DPP10: variants seen among roughly 807,000 people sequenced by gnomAD.
The protein encoded by DPP10 is inactive dipeptidyl peptidase 10.
DPP10 carries 33 observed loss-of-function variants against 120.9 expected under a neutral mutation model. That is an observed-to-expected ratio of 0.27 (90% CI 0.21 to 0.37). The LOEUF is 0.37. Ranked by LOEUF, DPP10 falls within the 10% of genes least tolerant of loss-of-function variation. The pLI is 1.00. For missense variants in DPP10, 816 were observed against 942.8 expected, an observed-to-expected ratio of 0.87 and a Z score of 1.76; for synonymous variants, 337 against 326.1, an observed-to-expected ratio of 1.03 and a Z score of -0.36.
At chr2:114,586,323 C>T (rs755304480) in intron 1 of DPP10, among the ~76,000 whole-genome samples, 92 of 152,250 alleles carry the variant, frequency 6.0e-4, no homozygotes, top group Non-Finnish European at 6.9e-4. Flanking sequence ...TAAGCTCTTG[C>T]CCCACATCAA....
chr2:115,265,869 G>A (rs890403081), intron 1 of DPP10, among the ~76,000 whole-genome samples: 3 of 151,906 alleles, frequency 2.0e-5, no homozygotes, highest in South Asian at 2.1e-4. Flanking sequence ...GCTTGAACCC[G>A]GGAGGTTGAG....
chr2:115,655,847 G>A (rs2088266399), intron 5 of DPP10, among the ~76,000 whole-genome samples: 2 of 151,474 alleles, frequency 1.3e-5, no homozygotes, highest in Admixed American at 1.3e-4. Context: ...TTTCTTAGGG[G>A]AAGGCTGAGG....
chr2:114,568,338 C>G (rs764477328), intron 1 of DPP10, among the ~76,000 whole-genome samples: 11 of 152,046 alleles, frequency 7.2e-5, no homozygotes, highest in Non-Finnish European at 1.5e-4. Context: ...TTGAAATAAT[C>G]AAAATACGAT....
intron 3 of DPP10, among the ~76,000 whole-genome samples, chr2:115,402,939 A>G (rs12998041): frequency 0.49 from 64,667 of 133,142 alleles, 15,945 homozygotes; most frequent in Non-Finnish European, 0.56. Flanking sequence ...GTATATATAT[A>G]TGTGTGTGTG....
At chr2:114,891,000 T>G (rs1692495631) in intron 1 of DPP10, among the ~76,000 whole-genome samples, 1 of 152,210 alleles carries the variant, frequency 6.6e-6, no homozygotes, top group Non-Finnish European at 1.5e-5. Flanking sequence ...TGCTACTGGT[T>G]TTCAGCTGCC....
chr2:115,071,405 A>T (rs1011720490), intron 1 of DPP10, among the ~76,000 whole-genome samples: 1 of 152,194 alleles, frequency 6.6e-6, no homozygotes, highest in Non-Finnish European at 1.5e-5. Flanking sequence ...AAAGCCAATC[A>T]CTGAGACAAT....
intron 1 of DPP10, among the ~76,000 whole-genome samples, chr2:114,665,705 A>G (rs1314343809): frequency 1.3e-5 from 2 of 152,344 alleles, no homozygotes; most frequent in Admixed American, 1.3e-4. Context: ...TATAAGCCCT[A>G]CAATTCCAGA....
At chr2:115,148,965 C>T (rs990911649) in intron 1 of DPP10, among the ~76,000 whole-genome samples, 2 of 152,104 alleles carry the variant, frequency 1.3e-5, no homozygotes, top group African/African-American at 4.8e-5. Flanking sequence ...TGTCTTTTAG[C>T]TTCAATATCA....
chr2:115,067,036 A>C (rs987189021), intron 1 of DPP10, among the ~76,000 whole-genome samples: 9 of 149,416 alleles, frequency 6.0e-5, no homozygotes, highest in Non-Finnish European at 1.0e-4. Context: ...CTGCAACTTT[A>C]TGTCATTTTA....
intron 3 of DPP10, among the ~76,000 whole-genome samples, chr2:115,419,792 G>T (rs2069770952): frequency 6.6e-6 from 1 of 152,048 alleles, no homozygotes; most frequent in Non-Finnish European, 1.5e-5. Flanking sequence ...AGAAAAGAAA[G>T]AACTAAAATA....
chr2:114,640,408 T>G (rs1464675246), intron 1 of DPP10, among the ~76,000 whole-genome samples: 1 of 151,946 alleles, frequency 6.6e-6, no homozygotes, highest in African/African-American at 2.4e-5. Flanking sequence ...CTCATATAAT[T>G]TTTTTAACCT....
At chr2:115,285,630 G>A (rs1285225470) in intron 1 of DPP10, among the ~76,000 whole-genome samples, 2 of 151,986 alleles carry the variant, frequency 1.3e-5, no homozygotes, top group Non-Finnish European at 2.9e-5. Context: ...AGCAAGCAAA[G>A]AACGTTGTTA....
intron 1 of DPP10, among the ~76,000 whole-genome samples, chr2:115,271,183 T>G (rs1316767942): frequency 3.3e-5 from 5 of 152,206 alleles, no homozygotes; most frequent in Non-Finnish European, 7.4e-5. Context: ...TTAGAGGAAA[T>G]TAAATTCAAT....
At chr2:114,753,908 C>CAAAAAAAAAAAA (rs777798352) in intron 1 of DPP10, among the ~76,000 whole-genome samples, 65 of 33,640 alleles carry the variant, frequency 1.9e-3, no homozygotes, top group Non-Finnish European at 2.4e-3. Context: ...GACTCCTTCT[C>CAAAAAAAAAAAA]AAAAAAAAAA....
intron 2 of DPP10, among the ~76,000 whole-genome samples, chr2:115,338,841 A>T (rs998226487): frequency 6.6e-6 from 1 of 152,192 alleles, no homozygotes; most frequent in Non-Finnish European, 1.5e-5. Flanking sequence ...ATAAAACTAT[A>T]ACATTTTTTA....
intron 1 of DPP10, among the ~76,000 whole-genome samples, chr2:114,611,014 C>G (rs1292446120): frequency 6.6e-6 from 1 of 152,098 alleles, no homozygotes; most frequent in Non-Finnish European, 1.5e-5. Flanking sequence ...CACACAACTG[C>G]GCTGCTTGTG....
intron 5 of DPP10, among the ~76,000 whole-genome samples, chr2:115,576,811 C>T (rs2081694198): frequency 6.6e-6 from 1 of 152,172 alleles, no homozygotes; most frequent in Non-Finnish European, 1.5e-5. Context: ...ACTTCCTCAC[C>T]TCAACAGTGG....
intron 1 of DPP10, among the ~76,000 whole-genome samples, chr2:115,236,252 C>G (rs550259212): frequency 1.3e-5 from 2 of 152,288 alleles, no homozygotes; most frequent in Non-Finnish European, 2.9e-5. Flanking sequence ...TTAAGTTGTT[C>G]TAACGTCACG....
intron 1 of DPP10, among the ~76,000 whole-genome samples, chr2:115,055,055 C>T (rs1424876817): frequency 6.6e-6 from 1 of 152,152 alleles, no homozygotes; most frequent in Non-Finnish European, 1.5e-5. Context: ...GCCCACTCTG[C>T]TTTAACAATA....
Sources: gnomAD v4.1 joint callset for allele counts (sites outside exome capture counted in the v4.1 genomes callset) on GRCh38, gnomAD v4.1.1 for gene constraint, MANE v1.5 for transcripts, NCBI Gene and HGNC (gene_info 2026-07-23, HGNC 2026-07-21) for gene names.